Variants in FAT3 observed in about 807,000 individuals in gnomAD.
FAT3 encodes FAT atypical cadherin 3, also known as protocadherin Fat 3.
In FAT3, 95 loss-of-function variants were observed where a neutral mutation model predicts 310.2. That is an observed-to-expected ratio of 0.31 (90% CI 0.26 to 0.36). FAT3 has a LOEUF of 0.36. Ranked by LOEUF, FAT3 falls within the 10% of genes least tolerant of loss-of-function variation. The pLI, the probability that FAT3 is intolerant of heterozygous loss-of-function variation, is 1.00. For missense variants in FAT3, 5,408 were observed against 5,715.6 expected (o/e 0.95, Z 1.74); for synonymous variants, 2,314 against 2,192.9 (o/e 1.06, Z -1.54).
intron 1 of FAT3, among the ~76,000 whole-genome samples, chr11:92,302,281 A>G (rs1469612757): frequency 4.0e-5 from 6 of 151,854 alleles, no homozygotes; most frequent in African/African-American, 1.4e-4. Context: ...TTTACATTAC[A>G]GAAACCGAAG....
chr11:92,670,145 G>T (rs539025887), intron 3 of FAT3, among the ~76,000 whole-genome samples: 1 of 152,240 alleles, frequency 6.6e-6, no homozygotes, highest in African/African-American at 2.4e-5. Context: ...TTTTGCTGCT[G>T]CCCGGAGATG....
At chr11:92,640,569 C>A (rs1415271672) in intron 3 of FAT3, among the ~76,000 whole-genome samples, 1 of 152,120 alleles carries the variant, frequency 6.6e-6, no homozygotes, top group Non-Finnish European at 1.5e-5. Flanking sequence ...AAAGTAAGGA[C>A]ACAGAGTCAT....
At chr11:92,803,789 G>A (rs1242823728) in intron 10 of FAT3, among the ~76,000 whole-genome samples, 1 of 152,192 alleles carries the variant, frequency 6.6e-6, no homozygotes, top group Non-Finnish European at 1.5e-5. Context: ...CCACAGAGGG[G>A]AAGGGCACAG....
intron 2 of FAT3, among the ~76,000 whole-genome samples, chr11:92,401,556 C>T (rs1950013135): frequency 6.6e-6 from 1 of 152,118 alleles, no homozygotes; most frequent in African/African-American, 2.4e-5. Context: ...TAAAGCTCTA[C>T]CTGTGAAGAG....
intron 2 of FAT3, among the ~76,000 whole-genome samples, chr11:92,452,676 G>C (rs549934861): frequency 6.6e-6 from 1 of 152,094 alleles, no homozygotes; most frequent in African/African-American, 2.4e-5. Flanking sequence ...CTCACTCTTC[G>C]ATAGAAAAGA....
At chr11:92,871,334 AAAGTGTTCC>A (rs2136366674) in intron 22 of FAT3, among the ~76,000 whole-genome samples, 1 of 152,242 alleles carries the variant, frequency 6.6e-6, no homozygotes, top group Admixed American at 6.5e-5. Flanking sequence ...CTTGCTACTC[AAAGTGTTCC>A]AGGGACCAAC....
intron 25 of FAT3, among the ~76,000 whole-genome samples, chr11:92,887,531 T>C (rs1444184482): frequency 3.3e-5 from 5 of 152,220 alleles, no homozygotes; most frequent in African/African-American, 7.2e-5. Flanking sequence ...ACAAAAACCT[T>C]CTTATAGAAC....
intron 2 of FAT3, among the ~76,000 whole-genome samples, chr11:92,451,535 T>A (rs1293291058): frequency 6.6e-6 from 1 of 152,162 alleles, no homozygotes; most frequent in African/African-American, 2.4e-5. Context: ...TTGTAAAACA[T>A]TAAGGGAGGA....
At chr11:92,468,155 G>A (rs781315705) in intron 2 of FAT3, among the ~76,000 whole-genome samples, 2 of 152,166 alleles carry the variant, frequency 1.3e-5, no homozygotes, top group Non-Finnish European at 2.9e-5. Flanking sequence ...ATTAGATCAG[G>A]TTTTGCAGTT....
chr11:92,754,365 C>G (rs1385823590), intron 4 of FAT3, among the ~76,000 whole-genome samples: 2 of 151,746 alleles, frequency 1.3e-5, no homozygotes, highest in Non-Finnish European at 2.9e-5. Context: ...ATGGCTCACG[C>G]CTGTAATACC....
intron 3 of FAT3, among the ~76,000 whole-genome samples, chr11:92,614,564 A>G (rs1940712783): frequency 6.6e-6 from 1 of 152,062 alleles, no homozygotes; most frequent in Admixed American, 6.6e-5. Context: ...GTTGTTTGTC[A>G]TTTTATTATT....
chr11:92,780,468 A>G (rs1946718138), intron 7 of FAT3, among the ~76,000 whole-genome samples: 1 of 152,142 alleles, frequency 6.6e-6, no homozygotes, highest in Non-Finnish European at 1.5e-5. Flanking sequence ...CACCCAGCCT[A>G]TAGTAACTTT....
At chr11:92,560,886 C>A (rs1955201527) in intron 3 of FAT3, among the ~76,000 whole-genome samples, 1 of 152,092 alleles carries the variant, frequency 6.6e-6, no homozygotes, top group Non-Finnish European at 1.5e-5. Context: ...CCATTGTTCC[C>A]TCTAATTGGC....
chr11:92,436,824 A>C (rs1230353377), intron 2 of FAT3, among the ~76,000 whole-genome samples: 1 of 152,156 alleles, frequency 6.6e-6, no homozygotes, highest in African/African-American at 2.4e-5. Context: ...CTTCCTGAGT[A>C]CAAGCCAGGG....
chr11:92,853,319 G>A (rs992628343), intron 19 of FAT3, among the ~76,000 whole-genome samples: 2 of 152,372 alleles, frequency 1.3e-5, no homozygotes, highest in Middle Eastern at 3.4e-3. Context: ...GGCTTCTGCT[G>A]CAGGCACTTG....
chr11:92,678,300 A>G (rs890959369), intron 3 of FAT3, among the ~76,000 whole-genome samples: 2 of 152,118 alleles, frequency 1.3e-5, no homozygotes, highest in Non-Finnish European at 2.9e-5. Context: ...CTCATTTTTC[A>G]TCTGGGAGGC....
At chr11:92,874,634 G>T (rs1396629900) in intron 22 of FAT3, among the ~76,000 whole-genome samples, 1 of 152,190 alleles carries the variant, frequency 6.6e-6, no homozygotes, top group East Asian at 1.9e-4. Context: ...CCGCCTCCTG[G>T]ATTCAAGTGA....
At chr11:92,430,933 C>T (rs977097541) in intron 2 of FAT3, among the ~76,000 whole-genome samples, 2 of 152,116 alleles carry the variant, frequency 1.3e-5, no homozygotes, top group Non-Finnish European at 2.9e-5. Flanking sequence ...GGGTTGGTTC[C>T]AAGTCTTTGC....
rs1488786769 is a variant in FAT3, at chr11:92,710,124, A to T, written c.3669+12679A>T. 2.0e-5 allele frequency among the ~76,000 whole-genome samples: 3 copies of T among 152,222 alleles called. No individual in the cohort carries two copies. In the East Asian group the frequency reaches 5.8e-4, roughly 29 times the overall value. ...TAAAATAGAAAAATGTCAATATTTT[A>T]AAAAATGCATAAGTACTCATTAGTA... On this transcript the variant is annotated intron_variant, in intron 4 of 27. Transcript: ENST00000525166.
Sources: gnomAD v4.1 joint callset for allele counts (sites outside exome capture counted in the v4.1 genomes callset) on GRCh38, gnomAD v4.1.1 for gene constraint, MANE v1.5 for transcripts, NCBI Gene and HGNC (gene_info 2026-07-23, HGNC 2026-07-21) for gene names.